Variants in NRTN observed in about 807,000 individuals in gnomAD.
NRTN encodes neurturin.
NRTN carries 3 observed loss-of-function variants against 7.5 expected under a neutral mutation model. The ratio of observed to expected loss-of-function variants is 0.40; its 90% confidence interval spans 0.18 to 1.03. The LOEUF (loss-of-function observed/expected upper bound fraction) is 1.03. Among genes scored for constraint, NRTN ranks in the 50% least tolerant of loss-of-function variants. The pLI, the probability that NRTN is intolerant of heterozygous loss-of-function variation, is 0.34. For synonymous variants in NRTN, 157 were observed against 146.6 expected, an observed-to-expected ratio of 1.07 and a Z score of -0.51; for missense variants, 310 against 307.0, an observed-to-expected ratio of 1.01 and a Z score of -0.07.
At chr19:5,825,076 G>A (rs1015701252) in intron 2 of NRTN, among the ~76,000 whole-genome samples, 1 of 152,048 alleles carries the variant, frequency 6.6e-6, no homozygotes, top group Non-Finnish European at 1.5e-5. Flanking sequence ...AAGGGGAGGC[G>A]GGAGATGGAG....
intron 1 of NRTN, among the ~76,000 whole-genome samples, chr19:5,810,844 G>C (rs1440327753): frequency 6.6e-6 from 1 of 151,720 alleles, no homozygotes; most frequent in African/African-American, 2.4e-5. Flanking sequence ...CAGGAGAATC[G>C]CTTGAACCCA....
In NRTN at chr19:5,820,735, C is replaced by CAAAAAAAAAAAAAAAAAAAAAAAAA. The variant is rs1332878144; in HGVS notation, c.-398-3031_-398-3030insAAAAAAAAAAAAAAAAAAAAAAAAA. Among the ~76,000 whole-genome samples, 2 of 62,134 alleles carry CAAAAAAAAAAAAAAAAAAAAAAAAA rather than the reference C, an allele frequency of 3.2e-5. 1 individual carries two copies. 40.8% of individuals were successfully genotyped at this position (62,134 alleles called of 152,430 possible). The stretch of plus-strand genomic sequence containing the variant: ...TGGGCAACAGAGTGAAACTCTGTCT[C>CAAAAAAAAAAAAAAAAAAAAAAAAA]AAGAAAAAAAAAAAAAAAAAAAAAA... On this transcript the variant is annotated intron_variant, in intron 1 of 2. Coordinates refer to ENST00000303212, the MANE Select transcript of NRTN (RefSeq NM_004558.5).
At chr19:5,827,265 C>T (rs545110031) in intron 2 of NRTN, among the ~76,000 whole-genome samples, 11 of 152,234 alleles carry the variant, frequency 7.2e-5, no homozygotes, top group East Asian at 1.9e-4. Flanking sequence ...TGGGAAGCAG[C>T]CCCCCAGTGC....
At chr19:5,813,989 C>G (rs1386707003) in intron 1 of NRTN, among the ~76,000 whole-genome samples, 2 of 152,054 alleles carry the variant, frequency 1.3e-5, no homozygotes, top group South Asian at 4.1e-4. Flanking sequence ...GCCTGGGCAA[C>G]AGAGCCAGAC....
rs1215021309 is a variant in NRTN, at chr19:5,817,663, GTCA to G, written c.-398-6100_-398-6098del. On this transcript the variant is annotated intron_variant, in intron 1 of 2. Coordinates refer to ENST00000303212, the MANE Select transcript of NRTN (RefSeq NM_004558.5). The stretch of plus-strand genomic sequence containing the variant: ...CAGGCAGGCAGGCAGGCGTGTGAGT[GTCA>G]TCATGGTCAAATGTGTGATTGTGTT... Among the ~76,000 whole-genome samples the G allele has an allele frequency of 1.5e-4, 23 of 152,182 alleles. 1 individual carries two copies. Among genetic ancestry groups the G allele is most frequent in the Admixed American group, 8.5e-4 (13 of 15,280 alleles).
intron 1 of NRTN, among the ~76,000 whole-genome samples, chr19:5,809,358 A>G (rs890282787): frequency 2.7e-5 from 4 of 150,428 alleles, no homozygotes; most frequent in Admixed American, 6.6e-5. Context: ...TTTTGTAGAG[A>G]CGGGGGTCTC....
Position 5,824,116 on chromosome 19 carries a change from G to C in NRTN, c.-50G>C, listed in dbSNP as rs774095438. The C allele has an allele frequency of 6.3e-7, 1 of 1,598,888 alleles. No individual in the cohort carries two copies. The highest frequency in any genetic ancestry group is 8.5e-7 in the Non-Finnish European group (1 of 1,179,348). On this transcript the variant is annotated 5_prime_UTR_variant, in exon 2 of 3. Transcript: ENST00000303212. Reference sequence around the variant, plus strand: ...AGCGCCCTGTGCCCGTTGGCTGCTGGAGGGACAGACGGGGCGTGCGGCTGA... The same window carrying C: ...AGCGCCCTGTGCCCGTTGGCTGCTGCAGGGACAGACGGGGCGTGCGGCTGA...
At chr19:5,825,288 G>T (rs533011152) in intron 2 of NRTN, among the ~76,000 whole-genome samples, 1 of 152,108 alleles carries the variant, frequency 6.6e-6, no homozygotes, top group Admixed American at 6.5e-5. Flanking sequence ...GTGGGGTGAG[G>T]GTGGTGCGTG....
chr19:5,827,257 G>A (rs2057049870), intron 2 of NRTN, among the ~76,000 whole-genome samples: 1 of 152,174 alleles, frequency 6.6e-6, no homozygotes, highest in Admixed American at 6.5e-5. Flanking sequence ...ATAGGGCATG[G>A]GAAGCAGCCC....
intron 1 of NRTN, among the ~76,000 whole-genome samples, chr19:5,815,129 G>T (rs1385661024): frequency 2.0e-5 from 3 of 152,194 alleles, no homozygotes; most frequent in Non-Finnish European, 2.9e-5. Flanking sequence ...GTGGGCGTTG[G>T]TGGCGTGTTC....
intron 1 of NRTN, among the ~76,000 whole-genome samples, chr19:5,814,999 G>A (rs1305462881): frequency 6.6e-6 from 1 of 152,244 alleles, no homozygotes; most frequent in Non-Finnish European, 1.5e-5. Flanking sequence ...ATCCCTGCAG[G>A]GGTGGACACG....
chr19:5,818,268 G>T (rs1293684649), intron 1 of NRTN, among the ~76,000 whole-genome samples: 1 of 152,146 alleles, frequency 6.6e-6, no homozygotes, highest in Admixed American at 6.6e-5. Context: ...CCAGCCAAAT[G>T]TGGGAGCGTT....
intron 2 of NRTN, among the ~76,000 whole-genome samples, chr19:5,826,915 C>T (rs1009845310): frequency 6.6e-6 from 1 of 152,208 alleles, no homozygotes; most frequent in African/African-American, 2.4e-5. Flanking sequence ...CCGCCTCTGT[C>T]GCTCTCTCTC....
chr19:5,825,145 A>G (rs1014056418), intron 2 of NRTN, among the ~76,000 whole-genome samples: 21 of 151,782 alleles, frequency 1.4e-4, no homozygotes, highest in African/African-American at 5.1e-4. Flanking sequence ...AGGGGTGGAG[A>G]GAGGAGAGAC....
At chr19:5,822,200 T>G (rs1275260850) in intron 1 of NRTN, among the ~76,000 whole-genome samples, 1 of 151,960 alleles carries the variant, frequency 6.6e-6, no homozygotes. Flanking sequence ...TCCATGCAAA[T>G]GAAATGCAAA....
At chr19:5,807,122 A>G (rs1225824849) in intron 1 of NRTN, among the ~76,000 whole-genome samples, 1 of 152,076 alleles carries the variant, frequency 6.6e-6, no homozygotes, top group African/African-American at 2.4e-5. Context: ...GAGTTTTCTA[A>G]GTGGGAAAGG....
intron 1 of NRTN, among the ~76,000 whole-genome samples, chr19:5,820,444 T>C (rs2057020038): frequency 1.3e-5 from 2 of 151,216 alleles, no homozygotes; most frequent in Non-Finnish European, 2.9e-5. Flanking sequence ...CGGGCGCCTG[T>C]AGTCCCAGCT....
chr19:5,821,528 C>T (rs1208620459), intron 1 of NRTN, among the ~76,000 whole-genome samples: 1 of 152,010 alleles, frequency 6.6e-6, no homozygotes, highest in African/African-American at 2.4e-5. Context: ...GTCTTGAACA[C>T]CTGACCTCAG....
chr19:5,822,914 C>T (rs4807815), intron 1 of NRTN, among the ~76,000 whole-genome samples: 14,518 of 151,804 alleles, frequency 0.096, 1,406 homozygotes, highest in East Asian at 0.44. Flanking sequence ...GTCCTAGCTA[C>T]TTGGGAGGCT....
Sources: gnomAD v4.1 joint callset for allele counts (sites outside exome capture counted in the v4.1 genomes callset) on GRCh38, gnomAD v4.1.1 for gene constraint, MANE v1.5 for transcripts, NCBI Gene and HGNC (gene_info 2026-07-23, HGNC 2026-07-21) for gene names.